Variants in PIK3R4 observed in about 807,000 individuals in gnomAD.
PIK3R4 encodes phosphoinositide-3-kinase regulatory subunit 4.
Under a neutral mutation model 136.5 loss-of-function variants are expected in PIK3R4, and 46 were observed. The observed-to-expected ratio is 0.34, with a 90% CI of 0.27 to 0.43. The LOEUF (loss-of-function observed/expected upper bound fraction) is 0.43. Ranked by LOEUF, PIK3R4 falls within the 20% of genes least tolerant of loss-of-function variation. The probability of loss-of-function intolerance (pLI) is 1.00; values close to 1 mark genes in which losing one functional copy is unlikely to be tolerated. For missense variants in PIK3R4, 1,331 were observed against 1,649.5 expected (o/e 0.81, Z 3.35); for synonymous variants, 557 against 566.7 (o/e 0.98, Z 0.24).
intron 7 of PIK3R4, among the ~76,000 whole-genome samples, chr3:130,722,684 T>G (rs757267109): frequency 6.6e-6 from 1 of 152,076 alleles, no homozygotes; most frequent in Non-Finnish European, 1.5e-5. Context: ...AATTTTCAAC[T>G]TGACTGCTAG....
intron 9 of PIK3R4, among the ~76,000 whole-genome samples, chr3:130,710,301 A>T (rs1399622486): frequency 6.6e-6 from 1 of 152,096 alleles, no homozygotes; most frequent in Admixed American, 6.5e-5. Flanking sequence ...AAATATGAAA[A>T]ATCAATCAAC....
At chr3:130,736,095 T>C in intron 2 of PIK3R4, 93 bp from the exon 3 acceptor site, 3 of 891,778 alleles carry the variant, frequency 3.4e-6, no homozygotes, top group Non-Finnish European at 5.0e-6. Context: ...AAACCCAAAA[T>C]GCAAAACCCC....
At chr3:130,703,619 G>T in intron 13 of PIK3R4, 104 bp downstream of exon 13, 1 of 763,942 alleles carries the variant, frequency 1.3e-6, no homozygotes, top group Non-Finnish European at 2.2e-6. Context: ...ATTTATTGTT[G>T]CTGTATGCCT....
At chr3:130,732,642 A>G (rs2066765316) in intron 4 of PIK3R4, among the ~76,000 whole-genome samples, 1 of 152,304 alleles carries the variant, frequency 6.6e-6, no homozygotes, top group East Asian at 1.9e-4. Context: ...ATAAATAAAA[A>G]TATATGTATG....
At position 130,744,498 on chromosome 3, in the gene PIK3R4, T is replaced by C; in HGVS notation, c.721A>G (p.Ile241Val). Residue 241 changes from isoleucine (I) to valine (V), a missense_variant, in exon 2 of 20, where the codon ATC becomes GTC. By Grantham distance (29) the Ile-to-Val change is conservative (BLOSUM62 3). This residue lies in a region of PIK3R4 where 1,180 missense variants were observed against 1,407.0 expected (regional missense o/e 0.84). Coordinates refer to ENST00000356763, the MANE Select transcript of PIK3R4 (RefSeq NM_014602.3). ...TRGELKRAMD[I>V]FSAGCVIAEL... ...CCCACTCAAATACCTGCTGAAAAGATGTCCATTGCTCTCTTCAACTCTCCT... is the reference window on the plus strand; with the variant it reads ...CCCACTCAAATACCTGCTGAAAAGACGTCCATTGCTCTCTTCAACTCTCCT... 6.2e-7 allele frequency: 1 copy of C among 1,608,296 alleles called. No homozygotes were observed. The highest frequency in any genetic ancestry group is 8.5e-7 in the Non-Finnish European group (1 of 1,176,498).
chr3:130,715,536 T>C lies in PIK3R4; in HGVS notation c.2331+860A>G, dbSNP rs530987560. ...GTGATGTTAAGCTTTTTTTCATATG[T>C]TTGTTGGCTATGGAAATGTCTTTTT... is the stretch of plus-strand genomic sequence containing the variant. On this transcript the variant is annotated intron_variant, in intron 9 of 19. Coordinates refer to ENST00000356763, the MANE Select transcript of PIK3R4 (RefSeq NM_014602.3). Among the ~76,000 whole-genome samples the C allele has an allele frequency of 7.5e-4, 115 of 152,324 alleles. 1 individual carries two copies. The highest frequency in any genetic ancestry group is 3.4e-3 in the Middle Eastern group (1 of 294).
chr3:130,728,406 G>C (rs1246149208), intron 6 of PIK3R4, 57 bp downstream of exon 6: 3 of 1,027,388 alleles, frequency 2.9e-6, no homozygotes, highest in Non-Finnish European at 4.3e-6. Context: ...AGATTGCATG[G>C]AAGTATTTGA....
chr3:130,691,935 T>A (rs1376029113), intron 13 of PIK3R4, among the ~76,000 whole-genome samples: 1 of 145,932 alleles, frequency 6.9e-6, no homozygotes, highest in Non-Finnish European at 1.5e-5. Flanking sequence ...AGTGCAGTGG[T>A]GCGATCTGGG....
At chr3:130,714,547 A>T (rs2066651695) in intron 9 of PIK3R4, among the ~76,000 whole-genome samples, 1 of 152,158 alleles carries the variant, frequency 6.6e-6, no homozygotes, top group Non-Finnish European at 1.5e-5. Flanking sequence ...ACATGGATAT[A>T]CGTGTGCTAT....
intron 15 of PIK3R4, 91 bp from the exon 16 acceptor site, chr3:130,684,472 A>C (rs1576449612): frequency 1.7e-6 from 2 of 1,196,724 alleles, no homozygotes; most frequent in East Asian, 5.1e-5. Flanking sequence ...TTAGCTTTTT[A>C]TGAATTTATT....
At chr3:130,728,728 T>G (rs1037242891) in intron 5 of PIK3R4, 44 bp from the exon 6 acceptor site, 267 of 1,224,838 alleles carry the variant, frequency 2.2e-4, no homozygotes, top group Non-Finnish European at 2.7e-4. Flanking sequence ...AGAAAAGAAA[T>G]AGTTAAGAAA....
Position 130,680,707 on chromosome 3 carries a change from G to C in PIK3R4, c.3812C>G (p.Ala1271Gly). 1 of 1,607,904 alleles carries C rather than the reference G, an allele frequency of 6.2e-7. No homozygotes were observed. The highest frequency in any genetic ancestry group is 8.5e-7 in the Non-Finnish European group (1 of 1,174,916). ...SDMKIRFWDL[A>G]YPERSYVVAG... ...AACAACATAGGACCTTTCTGGGTAA[G>C]CCAAGTCCCAAAACCTAGGAAAGAG... The change falls in exon 19 of 20, where the codon GCT (alanine) becomes GGT (glycine). Residue 1271 changes from alanine (A) to glycine (G), a missense_variant. Ala to Gly is a moderately conservative substitution (Grantham distance 60). Around this residue, in one of 2 missense-constraint regions of PIK3R4, gnomAD observed 1,180 missense variants for 1,407.0 expected, o/e 0.84. Coordinates refer to ENST00000356763, the MANE Select transcript of PIK3R4 (RefSeq NM_014602.3).
At chr3:130,693,032 TTG>T (rs935824839) in intron 13 of PIK3R4, among the ~76,000 whole-genome samples, 68 of 152,152 alleles carry the variant, frequency 4.5e-4, no homozygotes, top group African/African-American at 1.5e-3. Flanking sequence ...CTAATCTACT[TTG>T]TGTCTCTATG....
At chr3:130,711,960 CATTTTT>C (rs2066635086) in intron 9 of PIK3R4, among the ~76,000 whole-genome samples, 2 of 152,164 alleles carry the variant, frequency 1.3e-5, no homozygotes, top group Non-Finnish European at 2.9e-5. Context: ...AAATGTAACT[CATTTTT>C]TAAAGGAGTG....
chr3:130,744,626 G>C lies in PIK3R4; in HGVS notation c.593C>G (p.Ala198Gly). ...CCCACCATCAACAAAACGTTCAGGA[G>C]CAATATAGCAAGTTCTCCTCCGTGA... ...DTSRRRTCYIAPERFVDGGMF... is the reference protein window; with the variant it reads ...DTSRRRTCYIGPERFVDGGMF... Residue 198 changes from alanine (A) to glycine (G), a missense_variant, in exon 2 of 20, where the codon GCT (alanine) becomes GGT (glycine). Ala to Gly is a moderately conservative substitution (Grantham distance 60, BLOSUM62 0). Transcript: ENST00000356763. 1 of 1,614,196 alleles carries C rather than the reference G, an allele frequency of 6.2e-7. No homozygotes were observed. The highest frequency in any genetic ancestry group is 8.5e-7 in the Non-Finnish European group (1 of 1,180,042).
chr3:130,699,987 G>T (rs1188580540), intron 13 of PIK3R4, among the ~76,000 whole-genome samples: 3 of 152,196 alleles, frequency 2.0e-5, no homozygotes, highest in Non-Finnish European at 4.4e-5. Flanking sequence ...ATATGAGAGT[G>T]CATCAATGGC....
chr3:130,735,002 C>T (rs1280363059), intron 3 of PIK3R4, among the ~76,000 whole-genome samples: 3 of 152,090 alleles, frequency 2.0e-5, no homozygotes, highest in African/African-American at 7.2e-5. Flanking sequence ...TCACTTCTTT[C>T]GCAGTTCAGA....
In PIK3R4 at chr3:130,733,550, G is replaced by T; in HGVS notation, c.1448C>A (p.Ala483Asp). Residue 483 changes from alanine (A) to aspartate (D), a missense_variant and splice_region_variant, in exon 4 of 20, where the codon GCT (alanine) becomes GAT (aspartate). By Grantham distance (126) the Ala-to-Asp change is moderately radical. Transcript: ENST00000356763. The part of the protein sequence containing the change: ...DDATIVRLAY[A>D]ENIALLAETA... ...ATATTTGGACAATAAACTCTTACCAGCATAGGCTAGTCTAACGATAGTAGC... is the reference window on the plus strand; with the variant it reads ...ATATTTGGACAATAAACTCTTACCATCATAGGCTAGTCTAACGATAGTAGC... 1 of 1,598,782 alleles carries T rather than the reference G, an allele frequency of 6.3e-7. No homozygotes were observed. Among genetic ancestry groups the T allele is most frequent in the Non-Finnish European group, 8.6e-7 (1 of 1,166,192 alleles).
Position 130,684,293 on chromosome 3 carries a change from T to A in PIK3R4, c.3564A>T (p.Arg1188Ser). The change falls in exon 16 of 20, where the codon AGA (arginine) becomes AGT (serine). Residue 1188 changes from arginine to serine, a missense_variant. Transcript: ENST00000356763. ...SHCHPSRARIRRLSMHPLYQS... is the reference protein window; with the variant it reads ...SHCHPSRARISRLSMHPLYQS... ...GATACAGAGGGTGCATTGAGAGGCG[T>A]CTGATTCGAGCCCTGGAAGGATGAC... The A allele has an allele frequency of 6.2e-7, 1 of 1,613,496 alleles. No homozygotes were observed. Among genetic ancestry groups the A allele is most frequent in the Non-Finnish European group, 8.5e-7 (1 of 1,179,564 alleles).
Sources: gnomAD v4.1 joint callset for allele counts (sites outside exome capture counted in the v4.1 genomes callset) on GRCh38, gnomAD v4.1.1 for gene constraint, gnomAD v4.1.1 regional missense constraint, MANE v1.5 for transcripts, NCBI Gene and HGNC (gene_info 2026-07-23, HGNC 2026-07-21) for gene names.